The following IFI16 variants were observed in gnomAD, a reference collection of about 807,000 sequenced individuals.
IFI16 encodes the protein gamma-interferon-inducible protein 16.
In IFI16, 49 loss-of-function variants were observed where a neutral mutation model predicts 68.4. The observed-to-expected ratio is 0.72, with a 90% confidence interval of 0.57 to 0.91. IFI16 has a LOEUF of 0.91. Among genes scored for constraint, IFI16 ranks in the 40% least tolerant of loss-of-function variants. IFI16 has a pLI of 0.00. For missense variants in IFI16, 878 were observed against 942.9 expected, an observed-to-expected ratio of 0.93 and a Z score of 0.90; for synonymous variants, 307 against 315.0, an observed-to-expected ratio of 0.97 and a Z score of 0.27.
chr1:159,018,254 A>AG lies in IFI16; in HGVS notation c.577dup (p.Val193GlyfsTer25), dbSNP rs1557865018. Reference sequence around the variant, plus strand: ...AACCCGAAAACAGTGGCCAAATGTCAGGTAACTCCCAGAAGAAATGTTCTC... The same window carrying AG: ...AACCCGAAAACAGTGGCCAAATGTCAGGGTAACTCCCAGAAGAAATGTTCTC... On this transcript the variant is annotated frameshift_variant, in exon 5 of 12. Coordinates refer to ENST00000295809, the MANE Select transcript of IFI16 (RefSeq NM_001376587.1). LOFTEE classifies it high-confidence loss of function. 2 of 1,613,754 alleles carry AG rather than the reference A, an allele frequency of 1.2e-6. No individual in the cohort carries two copies. Among genetic ancestry groups the AG allele is most frequent in the Admixed American group, 3.3e-5 (2 of 59,938 alleles).
At chr1:159,032,825 A>C in intron 7 of IFI16, 134 bp downstream of exon 7, 1 of 731,180 alleles carries the variant, frequency 1.4e-6, no homozygotes. Flanking sequence ...ATGTCACTCA[A>C]TCATTTATTG....
At chr1:159,005,366 G>A (rs138778866), upstream of IFI16, among the ~76,000 whole-genome samples, 8 of 152,284 alleles carry the variant, frequency 5.3e-5, no homozygotes, top group Non-Finnish European at 7.4e-5. Flanking sequence ...TTCTCCATGA[G>A]ACATGCAATA....
At chr1:159,016,941 A>C (rs1652970583) in intron 4 of IFI16, among the ~76,000 whole-genome samples, 1 of 152,222 alleles carries the variant, frequency 6.6e-6, no homozygotes. Flanking sequence ...GCTATGCAGT[A>C]CAGAACTGTC....
intron 6 of IFI16, among the ~76,000 whole-genome samples, chr1:159,022,104 C>T (rs1004042377): frequency 1.3e-5 from 2 of 152,098 alleles, no homozygotes; most frequent in Middle Eastern, 3.4e-3. Context: ...GCTGGGACTA[C>T]AGGCGCCCGC....
In IFI16 at chr1:159,018,457, A is replaced by G. The variant is rs1340113270; in HGVS notation, c.778A>G (p.Ile260Val). 17 of 1,613,476 alleles carry G rather than the reference A, an allele frequency of 1.1e-5. No homozygotes were observed. Among genetic ancestry groups the G allele is most frequent in the Non-Finnish European group, 1.4e-5 (17 of 1,179,470 alleles). The change falls in exon 5 of 12, where the codon ATC (isoleucine) becomes GTC (valine). Residue 260 changes from isoleucine to valine, a missense_variant. Ile to Val is a conservative substitution (Grantham distance 29). Transcript: ENST00000295809. ...KEKFNGKKII[I>V]ISDYLEYDSL... ...GAAATTCAATGGAAAGAAAATCATC[A>G]TCATATCAGATTATTTGGAATATGA...
At chr1:159,033,522 A>G (rs942886217) in intron 7 of IFI16, among the ~76,000 whole-genome samples, 5 of 152,214 alleles carry the variant, frequency 3.3e-5, no homozygotes, top group Admixed American at 3.3e-4. Context: ...GATGTACGTT[A>G]TCTCATTCTT....
At chr1:159,010,637 A>C (rs928654074) in intron 1 of IFI16, among the ~76,000 whole-genome samples, 1 of 152,242 alleles carries the variant, frequency 6.6e-6, no homozygotes, top group Admixed American at 6.5e-5. Context: ...ACAAATGTAC[A>C]CAGAGTAGAA....
chr1:159,049,133 T>C (rs887568824), intron 8 of IFI16, among the ~76,000 whole-genome samples: 4 of 149,802 alleles, frequency 2.7e-5, no homozygotes, highest in African/African-American at 1.0e-4. Context: ...AAAATAGCCC[T>C]AAGAGTTGTA....
Position 159,049,928 on chromosome 1 carries a change from TA to T in IFI16, c.1665+330del, listed in dbSNP as rs1444328934. Among the ~76,000 whole-genome samples, 538 of 152,228 alleles carry T rather than the reference TA, an allele frequency of 3.5e-3. 5 individuals are homozygous for T. Among genetic ancestry groups the T allele is most frequent in the African/African-American group, 0.012 (498 of 41,548 alleles). ...GAAAAAACAGAGCCACCCATAACAC[TA>T]TCACTGATTTTTCCCCTTTCATTTA... is the stretch of plus-strand genomic sequence containing the variant. On this transcript the variant is annotated intron_variant, in intron 9 of 11. Transcript: ENST00000295809.
upstream of IFI16, among the ~76,000 whole-genome samples, chr1:159,002,547 G>A (rs113569800): frequency 0.057 from 8,620 of 151,926 alleles, 533 homozygotes; most frequent in East Asian, 0.26. Flanking sequence ...GCACGATACC[G>A]TTACTATTAC....
chr1:159,003,588 A>G (rs2101772731), upstream of IFI16, among the ~76,000 whole-genome samples: 1 of 152,158 alleles, frequency 6.6e-6, no homozygotes, highest in African/African-American at 2.4e-5. Flanking sequence ...AGGGAACAAA[A>G]AGACCAAGGC....
chr1:159,030,987 T>A (rs1653965574), intron 6 of IFI16, among the ~76,000 whole-genome samples: 1 of 151,556 alleles, frequency 6.6e-6, no homozygotes, highest in South Asian at 2.1e-4. Flanking sequence ...GAGCTCAGAT[T>A]CCCCTTGGAC....
chr1:159,049,101 T>C (rs1178523634), intron 8 of IFI16, among the ~76,000 whole-genome samples: 26 of 149,920 alleles, frequency 1.7e-4, no homozygotes, highest in Non-Finnish European at 3.7e-4. Flanking sequence ...TAGCCAACTT[T>C]ATTGCAAGCC....
At chr1:159,054,688 G>A (rs1471512873) in intron 11 of IFI16, 133 bp from the exon 12 acceptor site, 2 of 547,880 alleles carry the variant, frequency 3.7e-6, no homozygotes, top group Non-Finnish European at 6.7e-6. Flanking sequence ...AGATGAGAGC[G>A]AGAAAAGAAT....
Position 159,032,692 on chromosome 1 carries a change from G to C in IFI16, c.1329+1G>C. 1 of 1,585,152 alleles carries C rather than the reference G, an allele frequency of 6.3e-7. No homozygotes were observed. Among genetic ancestry groups the C allele is most frequent in the South Asian group, 1.2e-5 (1 of 86,372 alleles). On this transcript the variant is annotated splice_donor_variant, in intron 7 of 11. Coordinates refer to ENST00000295809, the MANE Select transcript of IFI16 (RefSeq NM_001376587.1). LOFTEE classifies it high-confidence loss of function. ...TCCATCCAGCAGTTTCTTCACCAAG[G>C]TACAATTTCCTGGGTCCCATGCCTC... is the stretch of plus-strand genomic sequence containing the variant.
intron 6 of IFI16, among the ~76,000 whole-genome samples, chr1:159,026,379 A>G (rs1571856452): frequency 6.7e-6 from 1 of 149,520 alleles, no homozygotes; most frequent in South Asian, 2.1e-4. Flanking sequence ...GCTCACTGCA[A>G]CCTCTGTCTC....
rs570193041 is a variant in IFI16, at chr1:159,017,639, G to A, written c.550-590G>A. ...GTTGTTGTTGTTGAGACAGAGTCTCGCTCTGTCACCCAGGCTGAAGTGCCG... is the reference window on the plus strand; with the variant it reads ...GTTGTTGTTGTTGAGACAGAGTCTCACTCTGTCACCCAGGCTGAAGTGCCG... On this transcript the variant is annotated intron_variant, in intron 4 of 11. Transcript: ENST00000295809. Among the ~76,000 whole-genome samples, 86 of 151,584 alleles carry A rather than the reference G, an allele frequency of 5.7e-4. 1 individual carries two copies. Among genetic ancestry groups the A allele is most frequent in the Admixed American group, 2.2e-3 (33 of 15,224 alleles).
intron 10 of IFI16, 139 bp downstream of exon 10, chr1:159,052,237 T>C: frequency 1.6e-6 from 1 of 631,354 alleles, no homozygotes; most frequent in Non-Finnish European, 2.8e-6. Context: ...CTAGAGATAA[T>C]TGAATAGAGT....
In IFI16 at chr1:159,054,909, A is replaced by T; in HGVS notation, c.*8A>T. 6.6e-7 allele frequency: 1 copy of T among 1,511,862 alleles called. No individual in the cohort carries two copies. Among genetic ancestry groups the T allele is most frequent in the Non-Finnish European group, 9.2e-7 (1 of 1,090,608 alleles). 93.7% of individuals were successfully genotyped at this position (1,511,862 alleles called of 1,614,324 possible). ...CCAGACTTTTTCTTCTAAAATCTGG[A>T]TGTCATTGACGATAATGTTTATGGA... On this transcript the variant is annotated 3_prime_UTR_variant, in exon 12 of 12. Transcript: ENST00000295809.
Sources: allele counts gnomAD v4.1 joint callset (sites outside exome capture counted in the v4.1 genomes callset), GRCh38; gene constraint gnomAD v4.1.1; transcripts MANE v1.5; gene names NCBI Gene and HGNC (gene_info 2026-07-23, HGNC 2026-07-21).